VPS13B: variants seen among roughly 807,000 people sequenced by gnomAD.
VPS13B encodes the protein intermembrane lipid transfer protein VPS13B.
A neutral mutation model predicts 426.4 loss-of-function variants in VPS13B; 285 were observed. The observed-to-expected ratio is 0.67, with a 90% CI of 0.61 to 0.74. The LOEUF is 0.74. Ranked by LOEUF, VPS13B falls within the 30% of genes least tolerant of loss-of-function variation. The pLI, the probability that VPS13B is intolerant of heterozygous loss-of-function variation, is 0.00. For synonymous variants in VPS13B, 1,676 were observed against 1,676.4 expected, an observed-to-expected ratio of 1.00 and a Z score of 0.01; for missense variants, 4,537 against 4,782.6, an observed-to-expected ratio of 0.95 and a Z score of 1.51.
intron 39 of VPS13B, among the ~76,000 whole-genome samples, chr8:99,750,138 T>C (rs1000835282): frequency 5.3e-5 from 8 of 152,286 alleles, no homozygotes; most frequent in African/African-American, 1.7e-4. Flanking sequence ...TGCATTTAGT[T>C]TTAATTGAAT....
chr8:99,328,785 G>C (rs1206495802), intron 19 of VPS13B, among the ~76,000 whole-genome samples: 1 of 152,090 alleles, frequency 6.6e-6, no homozygotes, highest in South Asian at 2.1e-4. Flanking sequence ...CTTCTGAGGA[G>C]ATCTCAATTT....
intron 55 of VPS13B, among the ~76,000 whole-genome samples, chr8:99,849,570 A>C (rs542925005): frequency 6.6e-6 from 1 of 152,342 alleles, no homozygotes; most frequent in East Asian, 1.9e-4. Flanking sequence ...GCACTTTGGT[A>C]ATACATATTA....
At chr8:99,278,672 C>T (rs1819016989) in intron 19 of VPS13B, among the ~76,000 whole-genome samples, 1 of 152,160 alleles carries the variant, frequency 6.6e-6, no homozygotes, top group African/African-American at 2.4e-5. Context: ...CCTTAGAATC[C>T]ACCTCACTAA....
intron 36 of VPS13B, among the ~76,000 whole-genome samples, chr8:99,709,990 A>G (rs760033240): frequency 6.6e-6 from 1 of 152,232 alleles, no homozygotes; most frequent in Non-Finnish European, 1.5e-5. Context: ...AAATGACCTG[A>G]TCAGCAATTG....
chr8:99,763,135 C>CAGAAAA (rs1298112887), intron 39 of VPS13B, among the ~76,000 whole-genome samples: 7 of 35,846 alleles, frequency 2.0e-4, no homozygotes, highest in African/African-American at 9.8e-4. Context: ...GACCTTGTCT[C>CAGAAAA]AAAAAAAAAA....
intron 19 of VPS13B, among the ~76,000 whole-genome samples, chr8:99,313,704 G>T (rs1229430531): frequency 6.6e-6 from 1 of 152,136 alleles, no homozygotes; most frequent in Non-Finnish European, 1.5e-5. Flanking sequence ...CTGTCAGACA[G>T]GGATATTTAA....
At chr8:99,258,002 G>A (rs978357618) in intron 17 of VPS13B, among the ~76,000 whole-genome samples, 8 of 151,454 alleles carry the variant, frequency 5.3e-5, no homozygotes, top group Non-Finnish European at 1.0e-4. Flanking sequence ...TGAGAAGCAG[G>A]CATTTTGTTT....
intron 16 of VPS13B, among the ~76,000 whole-genome samples, chr8:99,175,846 G>A (rs963457459): frequency 1.4e-4 from 21 of 152,334 alleles, no homozygotes; most frequent in African/African-American, 5.1e-4. Context: ...AGAGCTGATA[G>A]AAATGTAAAC....
intron 2 of VPS13B, among the ~76,000 whole-genome samples, chr8:99,033,853 G>A (rs993073913): frequency 1.3e-5 from 2 of 151,962 alleles, no homozygotes; most frequent in Non-Finnish European, 2.9e-5. Flanking sequence ...CCAAGATCAT[G>A]CCATTGCACT....
At chr8:99,697,022 C>G (rs892110176) in intron 35 of VPS13B, 44 of 580,620 alleles carry the variant, frequency 7.6e-5, no homozygotes, top group Non-Finnish European at 1.4e-4. Context: ...TCCGCCTCAG[C>G]TGAAGCAGTG....
At chr8:99,682,845 C>T (rs935038811) in intron 35 of VPS13B, among the ~76,000 whole-genome samples, 9 of 152,158 alleles carry the variant, frequency 5.9e-5, no homozygotes, top group Non-Finnish European at 1.0e-4. Flanking sequence ...GTCCCAGGTA[C>T]GTCCAGAGAT....
chr8:99,295,607 C>T (rs1355154479), intron 19 of VPS13B, among the ~76,000 whole-genome samples: 1 of 152,192 alleles, frequency 6.6e-6, no homozygotes, highest in Non-Finnish European at 1.5e-5. Flanking sequence ...TGGGCAAAAT[C>T]ATCTAGCAAC....
At chr8:99,194,368 AC>A (rs1396124164) in intron 17 of VPS13B, among the ~76,000 whole-genome samples, 1 of 152,154 alleles carries the variant, frequency 6.6e-6, no homozygotes, top group African/African-American at 2.4e-5. Context: ...CTCCTGTCTA[AC>A]TGAAACTTTG....
chr8:99,217,242 G>A (rs1815438574), intron 17 of VPS13B, among the ~76,000 whole-genome samples: 2 of 152,196 alleles, frequency 1.3e-5, no homozygotes, highest in African/African-American at 2.4e-5. Flanking sequence ...ACTGTTCTAA[G>A]GGCTTCATAT....
Position 99,807,654 on chromosome 8 carries a change from G to T in VPS13B, c.7942-1721G>T, listed in dbSNP as rs979781303. ...TATATAAGACCATATTTTCCCTAAA[G>T]GTATTTACTATCCAGGGTGTGTTTG... On this transcript the variant is annotated intron_variant, in intron 43 of 61. Transcript: ENST00000357162. 2.0e-5 allele frequency among the ~76,000 whole-genome samples: 3 copies of T among 151,100 alleles called. No individual in the cohort carries two copies. In the South Asian group the frequency reaches 6.3e-4, roughly 32 times the overall value.
In VPS13B at chr8:99,580,984, A is replaced by AACACACACACACACAC. The variant is rs34074519; in HGVS notation, c.5220+3383_5220+3398dup. On this transcript the variant is annotated intron_variant, in intron 33 of 61. Transcript: ENST00000357162. ...ACATGGCAAAACTGCATCTCTACAA[A>AACACACACACACACAC]ACACACACACACACACACACACACA... Among the ~76,000 whole-genome samples the AACACACACACACACAC allele has an allele frequency of 7.9e-5, 10 of 126,684 alleles. No individual in the cohort carries two copies. The East Asian group carries it at 1.4e-3, about 18-fold the overall frequency. The allele number at this position is 126,684 out of a possible 152,430, so 83.1% of individuals were successfully genotyped here. A position where few individuals can be genotyped will look rare whatever the true frequency, so the allele number is the denominator to read the frequency against.
chr8:99,130,455 T>G (rs1056433509), intron 8 of VPS13B, among the ~76,000 whole-genome samples: 5 of 150,880 alleles, frequency 3.3e-5, no homozygotes, highest in Non-Finnish European at 5.9e-5. Context: ...TGGCGCAGTC[T>G]CGGCTCACTG....
At chr8:99,499,144 A>T (rs1821094231) in intron 25 of VPS13B, among the ~76,000 whole-genome samples, 1 of 152,186 alleles carries the variant, frequency 6.6e-6, no homozygotes, top group South Asian at 2.1e-4. Context: ...TGTTTATTTT[A>T]GAACTTGGCC....
At chr8:99,583,678 G>A (rs934788518) in intron 33 of VPS13B, among the ~76,000 whole-genome samples, 71 of 152,174 alleles carry the variant, frequency 4.7e-4, no homozygotes, top group African/African-American at 1.7e-3. Context: ...ATAGGAACTT[G>A]AAGGTAAAGA....
Sources: allele counts gnomAD v4.1 joint callset (sites outside exome capture counted in the v4.1 genomes callset), GRCh38; gene constraint gnomAD v4.1.1; transcripts MANE v1.5; gene names NCBI Gene and HGNC (gene_info 2026-07-23, HGNC 2026-07-21).